ZNF91: variants seen among roughly 807,000 people sequenced by gnomAD.
The protein encoded by ZNF91 is zinc finger protein 91 (HPF7, HTF10).
Under a neutral mutation model 12.6 loss-of-function variants are expected in ZNF91, and 7 were observed. The observed-to-expected ratio is 0.55, with a 90% CI of 0.31 to 1.04. ZNF91 has a LOEUF of 1.04. Among genes scored for constraint, ZNF91 ranks in the 50% least tolerant of loss-of-function variants. The pLI is 0.05. For synonymous variants in ZNF91, 453 were observed against 462.6 expected (o/e 0.98, Z 0.27); for missense variants, 1,217 against 1,385.4 (o/e 0.88, Z 1.93).
In ZNF91 at chr19:23,359,742, T is replaced by A. The variant is rs769399622; in HGVS notation, c.3237A>T (p.Lys1079Asn). The A allele has an allele frequency of 2.7e-5, 43 of 1,613,904 alleles. No individual in the cohort carries two copies. The highest frequency in any genetic ancestry group is 3.4e-5 in the Non-Finnish European group (40 of 1,179,980). The change falls in exon 4 of 4, where the codon AAA (lysine) becomes AAT (asparagine). Residue 1079 changes from lysine (K) to asparagine (N), a missense_variant. By Grantham distance (94) the Lys-to-Asn change is moderately conservative. Coordinates refer to ENST00000300619, the MANE Select transcript of ZNF91 (RefSeq NM_003430.4). ...KRIHTREKPY[K>N]CEECGKAFSQ... ...TAAATGCTTTGCCACATTCTTCACA[T>A]TTGTAGGGTTTCTCTCTAGTATGAA...
At chr19:23,371,707 C>A (rs1969286125) in intron 3 of ZNF91, among the ~76,000 whole-genome samples, 1 of 151,998 alleles carries the variant, frequency 6.6e-6, no homozygotes, top group South Asian at 2.1e-4. Context: ...TAGAAAACGG[C>A]AATGTTTGAC....
intron 1 of ZNF91, among the ~76,000 whole-genome samples, chr19:23,388,014 G>C (rs1481154416): frequency 6.6e-6 from 1 of 150,992 alleles, no homozygotes; most frequent in Non-Finnish European, 1.5e-5. Context: ...GGGAGGCAGA[G>C]GTGGGCAGAT....
At chr19:23,356,981 C>A (rs1968504783), downstream of ZNF91, among the ~76,000 whole-genome samples, 1 of 152,134 alleles carries the variant, frequency 6.6e-6, no homozygotes, top group African/African-American at 2.4e-5. Flanking sequence ...TGTAATCCAG[C>A]ACTTTGGGAG....
At chr19:23,367,284 C>G (rs1423578879) in intron 3 of ZNF91, among the ~76,000 whole-genome samples, 2 of 152,046 alleles carry the variant, frequency 1.3e-5, no homozygotes, top group Non-Finnish European at 2.9e-5. Flanking sequence ...AGAGTAAGAT[C>G]CTGTCTTCAA....
At chr19:23,308,794 C>T (rs1360226362) in intron 2 of ZNF91, 3 of 152,178 alleles carry the variant, frequency 2.0e-5, no homozygotes, top group African/African-American at 7.2e-5. Context: ...AGGTGACTCT[C>T]TTTTCCTGGG....
intron 1 of ZNF91, among the ~76,000 whole-genome samples, chr19:23,320,189 AGT>A (rs1445816798): frequency 6.6e-6 from 1 of 152,204 alleles, no homozygotes; most frequent in Admixed American, 6.5e-5. Flanking sequence ...CTTATGGGAT[AGT>A]GACCCATTTC....
intron 1 of ZNF91, among the ~76,000 whole-genome samples, chr19:23,319,865 T>C (rs1967648266): frequency 6.6e-6 from 1 of 152,164 alleles, no homozygotes; most frequent in Admixed American, 6.6e-5. Flanking sequence ...TACCTTGAAC[T>C]AGCCAATGAG....
chr19:23,322,328 TG>T (rs1371783217), intron 1 of ZNF91, among the ~76,000 whole-genome samples: 1 of 152,168 alleles, frequency 6.6e-6, no homozygotes, highest in African/African-American at 2.4e-5. Flanking sequence ...TCTCCTCTAC[TG>T]TTTGGTCTCT....
chr19:23,379,735 T>G (rs1969628423), intron 1 of ZNF91, among the ~76,000 whole-genome samples: 1 of 152,300 alleles, frequency 6.6e-6, no homozygotes, highest in Non-Finnish European at 1.5e-5. Flanking sequence ...ACAAAAGTGG[T>G]TGAATAGGGT....
chr19:23,369,773 A>G (rs1969194349), intron 3 of ZNF91, among the ~76,000 whole-genome samples: 1 of 151,494 alleles, frequency 6.6e-6, no homozygotes, highest in South Asian at 2.1e-4. Context: ...GGGCGGTGCA[A>G]GATGTGCTTT....
intron 3 of ZNF91, among the ~76,000 whole-genome samples, chr19:23,372,955 G>C (rs57394860): frequency 2.6e-5 from 4 of 152,028 alleles, no homozygotes; most frequent in Non-Finnish European, 5.9e-5. Context: ...AAGTCCTGAA[G>C]GATATTCACT....
intron 3 of ZNF91, among the ~76,000 whole-genome samples, chr19:23,348,692 G>A (rs1249099978): frequency 2.0e-5 from 3 of 152,144 alleles, no homozygotes; most frequent in African/African-American, 2.4e-5. Flanking sequence ...CAGAATAAGC[G>A]ATTTTCAGGG....
At chr19:23,372,670 C>T (rs1034808609) in intron 3 of ZNF91, among the ~76,000 whole-genome samples, 9 of 152,210 alleles carry the variant, frequency 5.9e-5, no homozygotes, top group African/African-American at 1.9e-4. Context: ...AGGTTCTGCC[C>T]TTCCAGAGGC....
At chr19:23,322,558 A>G (rs1472530877) in intron 1 of ZNF91, among the ~76,000 whole-genome samples, 1 of 152,140 alleles carries the variant, frequency 6.6e-6, no homozygotes, top group Non-Finnish European at 1.5e-5. Flanking sequence ...TGGATTTTTT[A>G]TCTGTGTGTC....
chr19:23,360,098 TA>T lies in ZNF91; in HGVS notation c.2880del (p.His960GlnfsTer27). On this transcript the variant is annotated frameshift_variant, in exon 4 of 4. Transcript: ENST00000300619. LOFTEE classifies it low-confidence loss of function (END_TRUNC). ...SSTLTTHKIIHTGEKPYKCEE... is the reference protein window; with the variant it reads ...SSTLTTHKIIXTGEKPYKCEE... The stretch of plus-strand genomic sequence containing the variant: ...TCACATTTGTAGGGTTTCTCTCCAG[TA>T]TGAATTATCTTATGTGTAGTAAGGG... The T allele has an allele frequency of 6.2e-7, 1 of 1,613,470 alleles. No homozygotes were observed.
chr19:23,357,188 T>C (rs1050408116), downstream of ZNF91, among the ~76,000 whole-genome samples: 2 of 151,968 alleles, frequency 1.3e-5, no homozygotes, highest in African/African-American at 2.4e-5. Context: ...GATTGCACCA[T>C]TGCACTCCAG....
At chr19:23,334,306 A>G (rs1470453467), downstream of ZNF91, among the ~76,000 whole-genome samples, 1 of 152,158 alleles carries the variant, frequency 6.6e-6, no homozygotes, top group East Asian at 1.9e-4. Flanking sequence ...TGAGGGGCTC[A>G]GCTGTGTAGG....
intron 1 of ZNF91, among the ~76,000 whole-genome samples, chr19:23,379,368 T>A (rs546436098): frequency 1.3e-5 from 2 of 152,280 alleles, no homozygotes; most frequent in Non-Finnish European, 2.9e-5. Flanking sequence ...CTACACAGTG[T>A]TTGGGAAATA....
chr19:23,323,842 T>C (rs532725757), intron 1 of ZNF91: 1 of 141,658 alleles, frequency 7.1e-6, no homozygotes, highest in Non-Finnish European at 1.5e-5. Flanking sequence ...TTTTCTCCCA[T>C]CCTTTTCCTC....
Sources: allele counts gnomAD v4.1 joint callset (sites outside exome capture counted in the v4.1 genomes callset), GRCh38; gene constraint gnomAD v4.1.1; transcripts MANE v1.5; gene names NCBI Gene and HGNC (gene_info 2026-07-23, HGNC 2026-07-21).